The following ENOSF1 variants were observed in gnomAD, a reference collection of about 807,000 sequenced individuals.
ENOSF1 encodes the protein mitochondrial enolase superfamily member 1.
A neutral mutation model predicts 68.2 loss-of-function variants in ENOSF1; 73 were observed. The observed-to-expected ratio is 1.07, with a 90% CI of 0.89 to 1.30. The LOEUF is 1.30. ENOSF1 is among the 50% of genes most tolerant of loss of function. The pLI is 0.00. For synonymous variants in ENOSF1, 223 were observed against 210.4 expected, an observed-to-expected ratio of 1.06 and a Z score of -0.52; for missense variants, 589 against 554.5, an observed-to-expected ratio of 1.06 and a Z score of -0.62.
chr18:705,749 C>T (rs1402092547), intron 2 of ENOSF1, among the ~76,000 whole-genome samples: 6 of 152,006 alleles, frequency 3.9e-5, no homozygotes, highest in African/African-American at 1.4e-4. Context: ...TGGCTCACAC[C>T]TGTAATCCCA....
chr18:712,393 T>C (rs1312097055), intron 1 of ENOSF1, 111 bp downstream of exon 1: 4 of 1,526,682 alleles, frequency 2.6e-6, no homozygotes, highest in Admixed American at 2.0e-5. Context: ...CGTCCGCGCT[T>C]ACCATGGCGT....
At chr18:683,435 G>C in intron 10 of ENOSF1, 55 bp from the exon 11 acceptor site, 1 of 1,600,286 alleles carries the variant, frequency 6.2e-7, no homozygotes, top group South Asian at 1.1e-5. Context: ...CTCACAGCAG[G>C]GCTGCGGCTC....
intron 10 of ENOSF1, among the ~76,000 whole-genome samples, chr18:684,189 G>A (rs933162210): frequency 1.3e-5 from 2 of 151,758 alleles, no homozygotes; most frequent in Admixed American, 6.6e-5. Flanking sequence ...TAGAGACGGG[G>A]TTTCACCATG....
At chr18:707,093 A>G (rs1286735837) in intron 1 of ENOSF1, among the ~76,000 whole-genome samples, 1 of 152,192 alleles carries the variant, frequency 6.6e-6, no homozygotes, top group African/African-American at 2.4e-5. Flanking sequence ...TGCTGGGATT[A>G]CAAGTGTGAG....
chr18:692,745 T>G, intron 5 of ENOSF1: 1 of 993,658 alleles, frequency 1.0e-6, no homozygotes, highest in East Asian at 1.1e-4. Flanking sequence ...GGTGGCTACC[T>G]CCTCCATCCC....
At chr18:701,208 A>T (rs992249337) in intron 2 of ENOSF1, among the ~76,000 whole-genome samples, 2 of 152,152 alleles carry the variant, frequency 1.3e-5, no homozygotes, top group African/African-American at 4.8e-5. Flanking sequence ...TAAAAAACTA[A>T]CTTAGTCTAC....
chr18:708,062 T>C (rs905206339), intron 1 of ENOSF1, among the ~76,000 whole-genome samples: 1 of 150,938 alleles, frequency 6.6e-6, no homozygotes, highest in Non-Finnish European at 1.5e-5. Flanking sequence ...GATTTTGCCA[T>C]GTTGGCCAGG....
intron 14 of ENOSF1, among the ~76,000 whole-genome samples, chr18:676,680 G>A (rs1455058029): frequency 6.6e-6 from 1 of 152,130 alleles, no homozygotes; most frequent in Non-Finnish European, 1.5e-5. Context: ...AAATAGTTCG[G>A]CTATATTAAA....
At chr18:692,970 T>C in intron 5 of ENOSF1, 1 of 1,176,940 alleles carries the variant, frequency 8.5e-7, no homozygotes, top group Non-Finnish European at 1.1e-6. Context: ...AACAAGGGCC[T>C]TCATTTGTGG....
In ENOSF1 at chr18:691,227, A is replaced by C. The variant is rs2077129335; in HGVS notation, c.473T>G (p.Val158Gly). 1.2e-6 allele frequency: 2 copies of C among 1,614,090 alleles called. No homozygotes were observed. The highest frequency in any genetic ancestry group is 1.3e-5 in the African/African-American group (1 of 74,940). Residue 158 changes from valine to glycine, a missense_variant, in exon 6 of 16, where the codon GTC (valine) becomes GGC (glycine). Physicochemically the swap from Val to Gly is moderately radical, Grantham distance 109. Coordinates refer to ENST00000647584, the MANE Select transcript of ENOSF1 (RefSeq NM_017512.7). ...ACCTAGGGCATCCTCCTCAGTCAGGACATCAGTGATGTACCTGAAATCTAT... is the reference window on the plus strand; with the variant it reads ...ACCTAGGGCATCCTCCTCAGTCAGGCCATCAGTGATGTACCTGAAATCTAT... ...SCIDFRYITD[V>G]LTEEDALEIL...
At chr18:675,250 C>A in intron 15 of ENOSF1, 71 bp downstream of exon 15, 1 of 1,153,594 alleles carries the variant, frequency 8.7e-7, no homozygotes. Context: ...GCTCCACAGT[C>A]TAGTTCACGA....
downstream of ENOSF1, among the ~76,000 whole-genome samples, chr18:667,147 GGT>G (rs1176657664): frequency 5.0e-5 from 5 of 99,908 alleles, no homozygotes; most frequent in Admixed American, 2.7e-4. Flanking sequence ...TGATGGTGAT[GGT>G]GATGGTGATG....
At chr18:712,085 C>T (rs2079615463) in intron 1 of ENOSF1, among the ~76,000 whole-genome samples, 1 of 152,206 alleles carries the variant, frequency 6.6e-6, no homozygotes, top group South Asian at 2.1e-4. Flanking sequence ...AATCATTTTG[C>T]TGCTATTGCC....
At chr18:684,195 C>T (rs1042243822) in intron 10 of ENOSF1, among the ~76,000 whole-genome samples, 1 of 151,820 alleles carries the variant, frequency 6.6e-6, no homozygotes, top group Non-Finnish European at 1.5e-5. Context: ...CGGGGTTTCA[C>T]CATGTTAGCC....
rs982470370 is a variant in ENOSF1 at position 712,548 on chromosome 18, C to T, written c.40G>A (p.Val14Met). Residue 14 changes from valine (V) to methionine (M), a missense_variant, in exon 1 of 16, where the codon GTG (valine) becomes ATG (methionine). Physicochemically the swap from Val to Met is conservative, Grantham distance 21. Transcript: ENST00000647584. ...CCCCCAAGCGACGTGGGGAAGCGCA[C>T]GTCCCGGACCGAGAGCCGGGAGATC... ...GRISRLSVRD[V>M]RFPTSLGGHG... The T allele has an allele frequency of 1.0e-5, 16 of 1,539,344 alleles. No homozygotes were observed. Among genetic ancestry groups the T allele is most frequent in the Non-Finnish European group, 1.3e-5 (15 of 1,146,148 alleles).
downstream of ENOSF1, chr18:669,335 C>A: frequency 1.9e-6 from 1 of 537,952 alleles, no homozygotes; most frequent in Non-Finnish European, 3.3e-6. Context: ...GCTGCACTTT[C>A]ACCTTCAGAT....
At chr18:695,670 C>T (rs1477725313) in intron 3 of ENOSF1, among the ~76,000 whole-genome samples, 1 of 152,082 alleles carries the variant, frequency 6.6e-6, no homozygotes, top group Admixed American at 6.6e-5. Context: ...TGGTCTTGAA[C>T]TCCTGGCCTT....
chr18:710,645 TAG>T (rs2079415676), intron 1 of ENOSF1, among the ~76,000 whole-genome samples: 1 of 152,214 alleles, frequency 6.6e-6, no homozygotes, highest in South Asian at 2.1e-4. Flanking sequence ...CACTTAGGAT[TAG>T]AGGTGTGAGC....
intron 5 of ENOSF1, chr18:692,954 A>C (rs2077352670): frequency 8.5e-7 from 1 of 1,170,038 alleles, no homozygotes; most frequent in Non-Finnish European, 1.1e-6. Flanking sequence ...TTTTTTGCCA[A>C]CTAATAACAA....
Sources: allele counts gnomAD v4.1 joint callset (sites outside exome capture counted in the v4.1 genomes callset), GRCh38; gene constraint gnomAD v4.1.1; transcripts MANE v1.5; gene names NCBI Gene and HGNC (gene_info 2026-07-23, HGNC 2026-07-21).